DLGAP2: variants seen among roughly 807,000 people sequenced by gnomAD.
The protein encoded by DLGAP2 is DLG associated protein 2.
DLGAP2 carries 26 observed loss-of-function variants against 100.3 expected under a neutral mutation model. The observed-to-expected ratio is 0.26, with a 90% CI of 0.19 to 0.36. The LOEUF is 0.36. Ranked by LOEUF, DLGAP2 falls within the 10% of genes least tolerant of loss-of-function variation. DLGAP2 has a pLI of 1.00. For synonymous variants in DLGAP2, 886 were observed against 630.1 expected, an observed-to-expected ratio of 1.41 and a Z score of -6.08; for missense variants, 1,858 against 1,453.2, an observed-to-expected ratio of 1.28 and a Z score of -4.53.
At chr8:1,302,129 C>G (rs186540847) in intron 3 of DLGAP2, 7 of 152,604 alleles carry the variant, frequency 4.6e-5, no homozygotes, top group African/African-American at 1.4e-4. Flanking sequence ...GAGCCTTGCT[C>G]CATACCTGGG....
At chr8:1,613,306 A>G (rs6987351) in intron 6 of DLGAP2, among the ~76,000 whole-genome samples, 2 of 143,744 alleles carry the variant, frequency 1.4e-5, no homozygotes, top group South Asian at 2.3e-4. Flanking sequence ...AAAACCAAAC[A>G]CCGCATATTC....
At chr8:1,304,352 C>T (rs1250525495) in intron 3 of DLGAP2, among the ~76,000 whole-genome samples, 1 of 152,166 alleles carries the variant, frequency 6.6e-6, no homozygotes, top group Non-Finnish European at 1.5e-5. Context: ...ACTCCGGAAG[C>T]CTTTGAACCT....
At chr8:799,635 C>T (rs1177131058) in intron 1 of DLGAP2, among the ~76,000 whole-genome samples, 1 of 152,210 alleles carries the variant, frequency 6.6e-6, no homozygotes, top group Non-Finnish European at 1.5e-5. Flanking sequence ...GGGTCTCTGT[C>T]ACCCAGGCTG....
chr8:1,209,141 G>GA (rs1798053965), intron 2 of DLGAP2, among the ~76,000 whole-genome samples: 1 of 151,986 alleles, frequency 6.6e-6, no homozygotes, highest in Non-Finnish European at 1.5e-5. Context: ...CACAGAAGTA[G>GA]AAAAAACAAT....
At chr8:1,552,432 A>G (rs1205329586) in intron 5 of DLGAP2, among the ~76,000 whole-genome samples, 2 of 152,134 alleles carry the variant, frequency 1.3e-5, no homozygotes, top group African/African-American at 4.8e-5. Context: ...CCCTCATGGA[A>G]GGATCTATGA....
chr8:1,310,362 C>G (rs1800586529), intron 3 of DLGAP2, among the ~76,000 whole-genome samples: 1 of 152,056 alleles, frequency 6.6e-6, no homozygotes, highest in Admixed American at 6.6e-5. Context: ...AACAGAGTCC[C>G]AAAATATGTG....
intron 2 of DLGAP2, among the ~76,000 whole-genome samples, chr8:1,134,457 T>TA (rs1480437680): frequency 6.6e-6 from 1 of 152,182 alleles, no homozygotes; most frequent in African/African-American, 2.4e-5. Context: ...CAACAGTGTA[T>TA]AAGCAATTCC....
At chr8:1,159,041 T>A (rs113110318) in intron 2 of DLGAP2, among the ~76,000 whole-genome samples, 2 of 152,190 alleles carry the variant, frequency 1.3e-5, no homozygotes, top group African/African-American at 4.8e-5. Flanking sequence ...TTAACCTCGA[T>A]GTCAGTGAGC....
chr8:737,634 A>G lies in DLGAP2; in HGVS notation c.-174A>G, dbSNP rs1348648005. On this transcript the variant is annotated 5_prime_UTR_variant, in exon 1 of 15. Coordinates refer to ENST00000637795, the MANE Select transcript of DLGAP2 (RefSeq NM_001346810.2). ...GCGCAGGCGCCGGCCGTGAAGACCG[A>G]CCGTGCGCCGGGCTCGAGCGCGGTC... The G allele has an allele frequency of 8.7e-6, 3 of 345,060 alleles. No individual in the cohort carries two copies. Among genetic ancestry groups the G allele is most frequent in the Non-Finnish European group, 1.6e-5 (3 of 191,980 alleles). The allele number at this position is 345,060 out of a possible 1,614,324, so 21.4% of individuals were successfully genotyped here.
intron 2 of DLGAP2, among the ~76,000 whole-genome samples, chr8:1,206,563 C>T (rs1797997898): frequency 1.3e-5 from 2 of 150,718 alleles, no homozygotes; most frequent in Non-Finnish European, 3.0e-5. Flanking sequence ...AATCTCCAGC[C>T]ATCCGTGGGC....
chr8:1,001,088 A>G (rs956119945), intron 2 of DLGAP2, among the ~76,000 whole-genome samples: 1 of 152,222 alleles, frequency 6.6e-6, no homozygotes, highest in Non-Finnish European at 1.5e-5. Context: ...GACAGAGGGA[A>G]TCACAATTTC....
intron 2 of DLGAP2, among the ~76,000 whole-genome samples, chr8:1,042,706 T>G: frequency 6.7e-6 from 1 of 150,288 alleles, no homozygotes; most frequent in Non-Finnish European, 1.5e-5. Flanking sequence ...TGGATGTCGG[T>G]GGTGGGTGTG....
Position 1,352,471 on chromosome 8 carries a change from T to C in DLGAP2, c.106+93588T>C, listed in dbSNP as rs1037938899. The stretch of plus-strand genomic sequence containing the variant: ...GGTCACCGCTGGGTCTCAGCTCTTA[T>C]CACTTCCTAAAAACTCTTCCCACCC... On this transcript the variant is annotated intron_variant, in intron 3 of 14. Coordinates refer to ENST00000637795, the MANE Select transcript of DLGAP2 (RefSeq NM_001346810.2). Among the ~76,000 whole-genome samples, 20 of 152,290 alleles carry C rather than the reference T, an allele frequency of 1.3e-4. No homozygotes were observed. The South Asian group carries it at 1.5e-3, about 11-fold the overall frequency.
chr8:1,075,599 C>G (rs771809165), intron 2 of DLGAP2, among the ~76,000 whole-genome samples: 4 of 152,198 alleles, frequency 2.6e-5, no homozygotes, highest in Non-Finnish European at 5.9e-5. Flanking sequence ...GTTAGACATA[C>G]TGCGCACTGG....
intron 2 of DLGAP2, 135 bp from the exon 3 acceptor site, chr8:1,258,716 A>G (rs61205559): frequency 0.21 from 140,655 of 663,118 alleles, 15,748 homozygotes; most frequent in Admixed American, 0.29. Context: ...TGTTTATGGA[A>G]GGGTCCACTG....
At chr8:1,333,383 C>G (rs1401581132) in intron 3 of DLGAP2, among the ~76,000 whole-genome samples, 1 of 152,136 alleles carries the variant, frequency 6.6e-6, no homozygotes, top group Non-Finnish European at 1.5e-5. Flanking sequence ...AGAGGTTTTG[C>G]TGCCATATTC....
intron 2 of DLGAP2, among the ~76,000 whole-genome samples, chr8:977,722 G>T (rs13270728): frequency 0.29 from 32,172 of 112,830 alleles, 4,332 homozygotes; most frequent in Admixed American, 0.41. Context: ...AGTAATGTGG[G>T]GAGGGCGTCG....
chr8:1,048,776 G>C (rs1456212282), intron 2 of DLGAP2, among the ~76,000 whole-genome samples: 1 of 151,932 alleles, frequency 6.6e-6, no homozygotes, highest in African/African-American at 2.4e-5. Context: ...TGCAGTCTTG[G>C]GACAGCCACC....
Position 1,288,173 on chromosome 8 carries a change from G to C in DLGAP2, c.106+29290G>C, listed in dbSNP as rs1451966056. On this transcript the variant is annotated intron_variant, in intron 3 of 14. Transcript: ENST00000637795. ...GTGTGTGTGTGTTTCTGTTAGGAGGGGAACTAGTTTCGGTTGAGTGTGTGT... is the reference window on the plus strand; with the variant it reads ...GTGTGTGTGTGTTTCTGTTAGGAGGCGAACTAGTTTCGGTTGAGTGTGTGT... Among the ~76,000 whole-genome samples, 7 of 137,658 alleles carry C rather than the reference G, an allele frequency of 5.1e-5. No homozygotes were observed. The Admixed American group carries it at 5.2e-4, about 10-fold the overall frequency. The allele number at this position is 137,658 out of a possible 152,430, so 90.3% of individuals were successfully genotyped here.
Sources: gnomAD v4.1 joint callset for allele counts (sites outside exome capture counted in the v4.1 genomes callset) on GRCh38, gnomAD v4.1.1 for gene constraint, MANE v1.5 for transcripts, NCBI Gene and HGNC (gene_info 2026-07-23, HGNC 2026-07-21) for gene names.